The following ZNF341 variants were observed in gnomAD, a reference collection of about 807,000 sequenced individuals.
ZNF341 encodes zinc finger protein 341.
Under a neutral mutation model 87.7 loss-of-function variants are expected in ZNF341, and 52 were observed. The ratio of observed to expected loss-of-function variants is 0.59; its 90% CI spans 0.47 to 0.75. ZNF341 has a LOEUF of 0.75. Ranked by LOEUF, ZNF341 falls within the 30% of genes least tolerant of loss-of-function variation. ZNF341 has a pLI of 0.00. For synonymous variants in ZNF341, 459 were observed against 472.7 expected (o/e 0.97, Z 0.38); for missense variants, 977 against 1,145.9 (o/e 0.85, Z 2.13).
At chr20:33,745,640 A>G (rs1324917381) in intron 3 of ZNF341, among the ~76,000 whole-genome samples, 2 of 152,146 alleles carry the variant, frequency 1.3e-5, no homozygotes, top group Non-Finnish European at 2.9e-5. Flanking sequence ...TATTATTTTT[A>G]AAATCTGAAA....
chr20:33,739,912 T>A (rs941575185), intron 1 of ZNF341, among the ~76,000 whole-genome samples: 2 of 152,180 alleles, frequency 1.3e-5, no homozygotes, highest in Non-Finnish European at 2.9e-5. Context: ...TTGCCCAGGC[T>A]GGAGTGCAGT....
chr20:33,773,999 G>C (rs2019576724), intron 10 of ZNF341, among the ~76,000 whole-genome samples: 3 of 151,782 alleles, frequency 2.0e-5, no homozygotes, highest in Admixed American at 2.0e-4. Context: ...ATAAGATTTG[G>C]CTGGGTGCAG....
chr20:33,781,463 C>A, intron 11 of ZNF341, 76 bp downstream of exon 11: 1 of 1,303,564 alleles, frequency 7.7e-7, no homozygotes, highest in South Asian at 1.2e-5. Context: ...GCACACCTCA[C>A]CCTTTCCTTC....
chr20:33,785,385 C>T (rs760463550), intron 12 of ZNF341, among the ~76,000 whole-genome samples: 1 of 152,076 alleles, frequency 6.6e-6, no homozygotes, highest in Non-Finnish European at 1.5e-5. Flanking sequence ...CTCTGTCACC[C>T]AGGCTGGAGT....
chr20:33,770,412 G>A (rs1396513504), intron 10 of ZNF341, 120 bp downstream of exon 10: 8 of 1,035,030 alleles, frequency 7.7e-6, no homozygotes, highest in Admixed American at 2.6e-5. Flanking sequence ...AGGAGAAACC[G>A]AGGCTCCTGG....
At chr20:33,749,119 C>T (rs1465819818) in intron 4 of ZNF341, 47 bp downstream of exon 4, 6 of 1,574,978 alleles carry the variant, frequency 3.8e-6, no homozygotes, top group Admixed American at 1.8e-5. Context: ...CAGACCTGTA[C>T]ATTAACTCCT....
rs778346098 is a variant in ZNF341, at chr20:33,788,886, G to T, written c.1876G>T (p.Val626Leu). 1.2e-6 allele frequency: 2 copies of T among 1,614,000 alleles called. No homozygotes were observed. The highest frequency in any genetic ancestry group is 1.7e-6 in the Non-Finnish European group (2 of 1,180,030). ...AGGTGAGAAGCCCTACAAATGCTCA[G>T]TGTGCGAGTCTGCGTTCAACCGCAA... ...HSGEKPYKCS[V>L]CESAFNRKDK... The change falls in exon 13 of 15, where the codon GTG becomes TTG. Residue 626 changes from valine (V) to leucine (L), a missense_variant. By Grantham distance (32) the Val-to-Leu change is conservative (BLOSUM62 1). Transcript: ENST00000375200.
chr20:33,783,115 T>A (rs916505928), intron 11 of ZNF341, among the ~76,000 whole-genome samples: 1 of 151,878 alleles, frequency 6.6e-6, no homozygotes, highest in African/African-American at 2.4e-5. Context: ...GATTGCACCA[T>A]TGCACTCCAG....
intron 7 of ZNF341, among the ~76,000 whole-genome samples, chr20:33,759,757 G>A (rs2019254065): frequency 6.6e-6 from 1 of 151,050 alleles, no homozygotes; most frequent in Admixed American, 6.6e-5. Flanking sequence ...TATAACAAAA[G>A]GAGAGAGAGA....
rs1209847718 is a variant in ZNF341, at chr20:33,757,267, G to C, written c.861G>C (p.Gly287=). ...NPAAPMTSAT[G]GTVATFDSPA... is the part of the protein sequence containing the mutation. ...CCGCCCCCATGACCAGCGCCACCGG[G>C]GGCACGGTGGCCACCTTTGACTCTC... The change falls in exon 6 of 15, where the codon GGG becomes GGC. Residue 287 remains glycine (G), a synonymous_variant. Coordinates refer to ENST00000375200, the MANE Select transcript of ZNF341 (RefSeq NM_001282933.2). 3.7e-6 allele frequency: 6 copies of C among 1,605,722 alleles called. No homozygotes were observed. Among genetic ancestry groups the C allele is most frequent in the Non-Finnish European group, 5.1e-6 (6 of 1,176,794 alleles).
At chr20:33,764,044 AG>A (rs1403710615) in intron 8 of ZNF341, among the ~76,000 whole-genome samples, 4 of 124,698 alleles carry the variant, frequency 3.2e-5, no homozygotes, top group Non-Finnish European at 6.5e-5. Flanking sequence ...TTTTTTTCTG[AG>A]ACGGAGTCTC....
intron 12 of ZNF341, among the ~76,000 whole-genome samples, 187 bp downstream of exon 12, chr20:33,784,051 C>A: frequency 7.4e-6 from 1 of 135,838 alleles, no homozygotes; most frequent in Middle Eastern, 3.6e-3. Flanking sequence ...TCTCAGCCCC[C>A]GTCTCCCTCC....
At chr20:33,770,380 T>A in intron 10 of ZNF341, 88 bp downstream of exon 10, 1 of 1,309,918 alleles carries the variant, frequency 7.6e-7, no homozygotes, top group Non-Finnish European at 1.1e-6. Flanking sequence ...TCTGACTGCT[T>A]AGGACCAGTG....
intron 1 of ZNF341, among the ~76,000 whole-genome samples, chr20:33,739,218 C>T (rs1244380302): frequency 3.3e-5 from 5 of 152,136 alleles, no homozygotes; most frequent in African/African-American, 9.7e-5. Flanking sequence ...TTCACCCGCC[C>T]CTGCCTCCCA....
At chr20:33,758,634 A>G in intron 6 of ZNF341, 82 bp from the exon 7 acceptor site, 1 of 1,088,940 alleles carries the variant, frequency 9.2e-7, no homozygotes, top group South Asian at 1.3e-5. Flanking sequence ...TGTCTGGCTC[A>G]GATACAGTAG....
intron 3 of ZNF341, among the ~76,000 whole-genome samples, chr20:33,746,449 T>TGG (rs2018926905): frequency 6.8e-6 from 1 of 146,012 alleles, no homozygotes. Flanking sequence ...GGCCAAGATA[T>TGG]TCTCGATCTC....
At chr20:33,786,750 C>A (rs2019872571) in intron 12 of ZNF341, among the ~76,000 whole-genome samples, 1 of 151,806 alleles carries the variant, frequency 6.6e-6, no homozygotes. Flanking sequence ...GGGTGGAGCA[C>A]CTAGGTCAAG....
intron 12 of ZNF341, among the ~76,000 whole-genome samples, chr20:33,785,142 G>A (rs55708536): frequency 6.3e-4 from 95 of 151,936 alleles, no homozygotes; most frequent in African/African-American, 2.2e-3. Flanking sequence ...ATCCTTGACG[G>A]GACAAAAGCA....
chr20:33,748,134 C>T (rs1216333613), intron 3 of ZNF341, among the ~76,000 whole-genome samples: 4 of 149,686 alleles, frequency 2.7e-5, no homozygotes, highest in Non-Finnish European at 4.4e-5. Flanking sequence ...TGCAGTGGCA[C>T]GATCTCAGCT....
Sources: gnomAD v4.1 joint callset for allele counts (sites outside exome capture counted in the v4.1 genomes callset) on GRCh38, gnomAD v4.1.1 for gene constraint, MANE v1.5 for transcripts, NCBI Gene and HGNC (gene_info 2026-07-23, HGNC 2026-07-21) for gene names.